The following FRMD4B variants were observed in gnomAD, a reference collection of about 807,000 sequenced individuals.
The protein encoded by FRMD4B is FERM domain-containing protein 4B.
A neutral mutation model predicts 141.5 loss-of-function variants in FRMD4B; 74 were observed. That is an observed-to-expected ratio of 0.52 (90% CI 0.43 to 0.63). FRMD4B has a LOEUF of 0.63. Among genes scored for constraint, FRMD4B ranks in the 30% least tolerant of loss-of-function variants. FRMD4B has a pLI of 0.00. For missense variants in FRMD4B, 1,366 were observed against 1,253.4 expected (o/e 1.09, Z -1.36); for synonymous variants, 506 against 467.9 (o/e 1.08, Z -1.05).
At chr3:69,408,564 T>C (rs1704694550) in intron 2 of FRMD4B, among the ~76,000 whole-genome samples, 1 of 152,186 alleles carries the variant, frequency 6.6e-6, no homozygotes, top group African/African-American at 2.4e-5. Context: ...ACGTGGGACC[T>C]GTAAGTTTTG....
At position 69,530,556 on chromosome 3, in the gene FRMD4B, CT is replaced by C. The variant is rs968894178; in HGVS notation, c.-129+11649del. ...CAGAATCATGAGTCAAATAAAACCTCTTTTTTTTTTTTTAATAAATTACCCA... is the reference window on the plus strand; with the variant it reads ...CAGAATCATGAGTCAAATAAAACCTCTTTTTTTTTTTTAATAAATTACCCA... On this transcript the variant is annotated intron_variant, in intron 1 of 5. Transcript: ENST00000459638. Among the ~76,000 whole-genome samples the C allele has an allele frequency of 7.0e-3, 1,008 of 144,406 alleles. 2 individuals carry two copies. Among genetic ancestry groups the C allele is most frequent in the African/African-American group, 8.7e-3 (343 of 39,558 alleles). The allele number at this position is 144,406 out of a possible 152,430, so 94.7% of individuals were successfully genotyped here.
At chr3:69,416,764 A>C (rs887904138) in intron 2 of FRMD4B, among the ~76,000 whole-genome samples, 1 of 152,000 alleles carries the variant, frequency 6.6e-6, no homozygotes, top group African/African-American at 2.4e-5. Context: ...AGGTGTTCTC[A>C]TTGTTCAGCT....
At chr3:69,242,021 T>G (rs879308420) in intron 7 of FRMD4B, among the ~76,000 whole-genome samples, 1 of 152,200 alleles carries the variant, frequency 6.6e-6, no homozygotes, top group African/African-American at 2.4e-5. Context: ...CAGCTACAAA[T>G]CTCAGTTTTC....
Position 69,221,895 on chromosome 3 carries a change from T to C in FRMD4B, c.694A>G (p.Lys232Glu). The C allele has an allele frequency of 1.3e-6, 2 of 1,567,288 alleles. No homozygotes were observed. The highest frequency in any genetic ancestry group is 1.8e-6 in the Non-Finnish European group (2 of 1,142,830). ...CEDRVIEHYL[K>E]IKGLTRGQAV... ...TGACCTCGAGTGAGACCTTTGATTT[T>C]CAAATAATGCTCAATTACCCTGTCC... Residue 232 changes from lysine to glutamate, a missense_variant, in exon 9 of 23, where the codon AAA becomes GAA. By Grantham distance (56) the Lys-to-Glu change is moderately conservative. Coordinates refer to ENST00000398540, the MANE Select transcript of FRMD4B (RefSeq NM_015123.3).
In FRMD4B at chr3:69,508,744, G is replaced by A. The variant is rs889542460; in HGVS notation, c.-129+33462C>T. ...GAATAGGTTGCATTATCTGGTCCTC[G>A]TTTGGGACAGTACAGAGCAACATAT... is the stretch of plus-strand genomic sequence containing the variant. On this transcript the variant is annotated intron_variant, in intron 1 of 5. Transcript: ENST00000459638. 1.5e-4 allele frequency among the ~76,000 whole-genome samples: 23 copies of A among 152,276 alleles called. 1 individual carries two copies. Among genetic ancestry groups the A allele is most frequent in the African/African-American group, 4.1e-4 (17 of 41,556 alleles).
At chr3:69,211,785 C>T (rs753447785) in intron 11 of FRMD4B, among the ~76,000 whole-genome samples, 2 of 152,134 alleles carry the variant, frequency 1.3e-5, no homozygotes, top group Admixed American at 6.5e-5. Context: ...GGTAAACTTG[C>T]AGCCTGCACA....
intron 1 of FRMD4B, among the ~76,000 whole-genome samples, chr3:69,334,672 G>T (rs1277748779): frequency 2.6e-5 from 4 of 152,094 alleles, no homozygotes; most frequent in Non-Finnish European, 5.9e-5. Context: ...GGTTTCAGTA[G>T]TTGCTAAATA....
intron 1 of FRMD4B, among the ~76,000 whole-genome samples, chr3:69,518,228 A>G (rs1700797336): frequency 6.6e-6 from 1 of 152,206 alleles, no homozygotes; most frequent in African/African-American, 2.4e-5. Flanking sequence ...GGTATACTTT[A>G]CTGTATATGA....
chr3:69,212,374 A>G lies in FRMD4B; in HGVS notation c.876+3889T>C, dbSNP rs1468217405. On this transcript the variant is annotated intron_variant, in intron 11 of 22. Transcript: ENST00000398540. ...AACCCCGTCTCAAAAAAAAAAAAAA[A>G]AAAAAAGAAAAAAAAAAAGAAAAAA... 2.5e-3 allele frequency among the ~76,000 whole-genome samples: 226 copies of G among 89,488 alleles called. 4 individuals carry two copies. The highest frequency in any genetic ancestry group is 8.5e-3 in the African/African-American group (203 of 23,830). The allele number at this position is 89,488 out of a possible 152,430, so 58.7% of individuals were successfully genotyped here. A position where few individuals can be genotyped will look rare whatever the true frequency, so the allele number is the denominator to read the frequency against.
intron 2 of FRMD4B, among the ~76,000 whole-genome samples, chr3:69,418,270 A>G (rs750241025): frequency 1.3e-5 from 2 of 152,194 alleles, no homozygotes; most frequent in Non-Finnish European, 2.9e-5. Context: ...GAACAATTTT[A>G]TTAATCCTTA....
At chr3:69,392,263 G>T (rs559192775) in intron 2 of FRMD4B, among the ~76,000 whole-genome samples, 1 of 152,320 alleles carries the variant, frequency 6.6e-6, no homozygotes, top group South Asian at 2.1e-4. Flanking sequence ...AACAAGAAAT[G>T]TAAAGGAGCA....
intron 1 of FRMD4B, among the ~76,000 whole-genome samples, chr3:69,523,896 CA>C (rs1225221906): frequency 2.0e-5 from 3 of 152,156 alleles, no homozygotes; most frequent in Admixed American, 6.5e-5. Context: ...CCACCCTACC[CA>C]GGGAATCCCT....
At chr3:69,373,491 C>G (rs1703884705) in intron 1 of FRMD4B, among the ~76,000 whole-genome samples, 1 of 152,162 alleles carries the variant, frequency 6.6e-6, no homozygotes, top group South Asian at 2.1e-4. Flanking sequence ...TTTAATTATA[C>G]CTATTTAACA....
At chr3:69,214,096 GT>G (rs2093115270) in intron 11 of FRMD4B, among the ~76,000 whole-genome samples, 1 of 152,088 alleles carries the variant, frequency 6.6e-6, no homozygotes. Flanking sequence ...ACCCTTTTGT[GT>G]TATCTGTGTC....
intron 5 of FRMD4B, among the ~76,000 whole-genome samples, chr3:69,281,122 C>T (rs150917840): frequency 2.3e-3 from 349 of 151,858 alleles, no homozygotes; most frequent in African/African-American, 8.1e-3. Context: ...TTAGTAGAGA[C>T]GGGGTTTCTC....
At chr3:69,509,399 G>A (rs898616772) in intron 1 of FRMD4B, among the ~76,000 whole-genome samples, 2 of 152,136 alleles carry the variant, frequency 1.3e-5, no homozygotes, top group African/African-American at 4.8e-5. Flanking sequence ...CCGCCATGTT[G>A]TAATATGTAG....
intron 1 of FRMD4B, among the ~76,000 whole-genome samples, chr3:69,371,964 C>G (rs1703836574): frequency 6.6e-6 from 1 of 152,200 alleles, no homozygotes; most frequent in Admixed American, 6.5e-5. Flanking sequence ...ACTGCAAACT[C>G]TAGAACACCA....
At chr3:69,256,108 A>G (rs1272492194) in intron 5 of FRMD4B, among the ~76,000 whole-genome samples, 2 of 151,764 alleles carry the variant, frequency 1.3e-5, no homozygotes, top group South Asian at 4.2e-4. Context: ...AAAAAAATAA[A>G]AGGTTGGGGG....
chr3:69,481,015 A>G (rs1706112838), intron 1 of FRMD4B, among the ~76,000 whole-genome samples: 1 of 152,180 alleles, frequency 6.6e-6, no homozygotes, highest in Admixed American at 6.5e-5. Context: ...CCTCCGAGCC[A>G]TGTGCGGGAT....
Sources: gnomAD v4.1 joint callset for allele counts (sites outside exome capture counted in the v4.1 genomes callset) on GRCh38, gnomAD v4.1.1 for gene constraint, MANE v1.5 for transcripts, NCBI Gene and HGNC (gene_info 2026-07-23, HGNC 2026-07-21) for gene names.